ATRNL1: variants seen among roughly 807,000 people sequenced by gnomAD.
ATRNL1 encodes the protein attractin-like protein 1.
In ATRNL1, 95 loss-of-function variants were observed where a neutral mutation model predicts 182.7. The observed-to-expected ratio is 0.52, with a 90% CI of 0.44 to 0.62. The LOEUF (loss-of-function observed/expected upper bound fraction) is 0.62. Among genes scored for constraint, ATRNL1 ranks in the 20% least tolerant of loss-of-function variants. The pLI is 0.00. For synonymous variants in ATRNL1, 576 were observed against 568.3 expected (o/e 1.01, Z -0.19); for missense variants, 1,471 against 1,679.5 (o/e 0.88, Z 2.17).
At chr10:115,296,274 C>A (rs1452242342) in intron 15 of ATRNL1, among the ~76,000 whole-genome samples, 1 of 152,282 alleles carries the variant, frequency 6.6e-6, no homozygotes, top group East Asian at 1.9e-4. Context: ...CTTCCATTCA[C>A]CACAGGTGCA....
At chr10:115,337,129 G>A (rs1294659274) in intron 19 of ATRNL1, among the ~76,000 whole-genome samples, 1 of 151,728 alleles carries the variant, frequency 6.6e-6, no homozygotes, top group African/African-American at 2.4e-5. Flanking sequence ...CCAAAGTGCT[G>A]TGGTTACAGG....
chr10:115,932,329 G>T lies in ATRNL1; in HGVS notation c.4019-12329G>T, dbSNP rs565128881. Among the ~76,000 whole-genome samples the T allele has an allele frequency of 9.0e-4, 137 of 152,328 alleles. 1 individual carries two copies. The highest frequency in any genetic ancestry group is 2.9e-3 in the African/African-American group (122 of 41,580). ...ACATCAGAGGAAAGGTTTCAAGTCT[G>T]TTTTGAGAAATGTACTGTCCAACTC... is the stretch of plus-strand genomic sequence containing the variant. On this transcript the variant is annotated intron_variant, in intron 28 of 28. Transcript: ENST00000355044.
intron 21 of ATRNL1, among the ~76,000 whole-genome samples, chr10:115,460,355 G>A (rs1476336043): frequency 1.3e-5 from 2 of 151,856 alleles, no homozygotes; most frequent in Non-Finnish European, 2.9e-5. Flanking sequence ...TTCCATCGCA[G>A]TCAAACCTAT....
In ATRNL1 at chr10:115,484,133, G is replaced by A. The variant is rs1414630; in HGVS notation, c.3654+14804G>A. 2.4e-4 allele frequency among the ~76,000 whole-genome samples: 36 copies of A among 150,504 alleles called. 1 individual carries two copies. The South Asian group carries it at 7.3e-3, about 30-fold the overall frequency. On this transcript the variant is annotated intron_variant, in intron 24 of 28. Coordinates refer to ENST00000355044, the MANE Select transcript of ATRNL1 (RefSeq NM_207303.4). ...TTTCTGATTATCTTTTTTTTTTTCA[G>A]TAAATGTCAAATCTTAGATCTTTTT... is the stretch of plus-strand genomic sequence containing the variant.
intron 28 of ATRNL1, among the ~76,000 whole-genome samples, chr10:115,908,165 T>C (rs553373433): frequency 2.6e-5 from 4 of 152,300 alleles, no homozygotes; most frequent in Non-Finnish European, 5.9e-5. Flanking sequence ...TGATTTTGAA[T>C]ATTCCATGAC....
rs1160243131 is a variant in ATRNL1 at position 115,886,511 on chromosome 10, TCAAAAA to T, written c.4018+38536_4018+38541del. ...CCTGGGCAACAAGAGCGAAACTGTCTCAAAAACAAAAACAAAAACAAGAACAAAAAC... is the reference window on the plus strand; with the variant it reads ...CCTGGGCAACAAGAGCGAAACTGTCTCAAAAACAAAAACAAGAACAAAAAC... On this transcript the variant is annotated intron_variant, in intron 28 of 28. Coordinates refer to ENST00000355044, the MANE Select transcript of ATRNL1 (RefSeq NM_207303.4). 6.6e-5 allele frequency among the ~76,000 whole-genome samples: 10 copies of T among 152,276 alleles called. No individual in the cohort carries two copies. In the Middle Eastern group the frequency reaches 0.01, roughly 155 times the overall value.
At chr10:115,807,306 G>C (rs1333870039) in intron 27 of ATRNL1, among the ~76,000 whole-genome samples, 1 of 152,002 alleles carries the variant, frequency 6.6e-6, no homozygotes, top group Non-Finnish European at 1.5e-5. Flanking sequence ...AGCAGAGACG[G>C]ATCTTCATCA....
At chr10:115,606,303 G>T (rs1856869823) in intron 26 of ATRNL1, among the ~76,000 whole-genome samples, 1 of 151,964 alleles carries the variant, frequency 6.6e-6, no homozygotes, top group South Asian at 2.1e-4. Flanking sequence ...ATGCACAGCT[G>T]CCAAAGCTGT....
At chr10:115,659,770 T>G (rs1482645915) in intron 26 of ATRNL1, among the ~76,000 whole-genome samples, 8 of 152,046 alleles carry the variant, frequency 5.3e-5, no homozygotes, top group African/African-American at 1.9e-4. Flanking sequence ...GAGTAAGAAT[T>G]AGACCCGCAG....
chr10:115,549,622 G>A (rs2133809675), intron 26 of ATRNL1, 86 bp downstream of exon 26: 2 of 855,464 alleles, frequency 2.3e-6, no homozygotes, highest in Non-Finnish European at 3.4e-6. Context: ...ATGCTCTCTT[G>A]GAATGCAGAA....
At chr10:115,703,106 C>T (rs1310320101) in intron 26 of ATRNL1, among the ~76,000 whole-genome samples, 1 of 151,946 alleles carries the variant, frequency 6.6e-6, no homozygotes, top group Non-Finnish European at 1.5e-5. Context: ...AGTAAAGCCA[C>T]ACACTTATGG....
rs528368765 is a variant in ATRNL1 at position 115,227,139 on chromosome 10, C to A, written c.1532+11259C>A. ...ACCATTAGCAGAGCAAACAGACAGC[C>A]TACAAAATGGGAGAAGATATTCTCA... On this transcript the variant is annotated intron_variant, in intron 9 of 28. Coordinates refer to ENST00000355044, the MANE Select transcript of ATRNL1 (RefSeq NM_207303.4). Among the ~76,000 whole-genome samples the A allele has an allele frequency of 2.4e-4, 36 of 152,158 alleles. 1 individual carries two copies. The South Asian group carries it at 6.4e-3, about 27-fold the overall frequency.
At chr10:115,920,466 G>A (rs1364740339) in intron 28 of ATRNL1, among the ~76,000 whole-genome samples, 1 of 152,142 alleles carries the variant, frequency 6.6e-6, no homozygotes, top group East Asian at 1.9e-4. Flanking sequence ...CTGTAATTCT[G>A]AGACACTCAC....
At chr10:115,534,246 C>T (rs11516961) in intron 25 of ATRNL1, among the ~76,000 whole-genome samples, 93,255 of 147,964 alleles carry the variant, frequency 0.63, 30,497 homozygotes, top group Middle Eastern at 0.73. Flanking sequence ...TCTAAGTCTC[C>T]TTGCAGGTCA....
chr10:115,611,725 C>A (rs1432475522), intron 26 of ATRNL1, among the ~76,000 whole-genome samples: 2 of 151,892 alleles, frequency 1.3e-5, no homozygotes, highest in Non-Finnish European at 2.9e-5. Context: ...GATTAATATT[C>A]TTTGAAACAT....
intron 19 of ATRNL1, among the ~76,000 whole-genome samples, chr10:115,371,639 A>G (rs907213109): frequency 6.6e-5 from 10 of 152,216 alleles, no homozygotes; most frequent in Non-Finnish European, 1.3e-4. Context: ...CATTGTATCT[A>G]GGAAGTAACT....
chr10:115,469,096 A>G (rs11197229), intron 23 of ATRNL1, 76 bp from the exon 24 acceptor site: 8,931 of 517,942 alleles, frequency 0.017, 714 homozygotes, highest in African/African-American at 0.16. Flanking sequence ...GAGCAATTAT[A>G]AAAAACTATA....
rs534161340 is a variant in ATRNL1, at chr10:115,196,019, C to T, written c.1349-19678C>T. Among the ~76,000 whole-genome samples, 12 of 152,066 alleles carry T rather than the reference C, an allele frequency of 7.9e-5. No individual in the cohort carries two copies. The South Asian group carries it at 1.7e-3, about 21-fold the overall frequency. ...CTGAGATTTTTATAAAAATAGGCTG[C>T]GTCCAGTGGCTCACACCTATAATCC... On this transcript the variant is annotated intron_variant, in intron 8 of 28. Coordinates refer to ENST00000355044, the MANE Select transcript of ATRNL1 (RefSeq NM_207303.4).
intron 26 of ATRNL1, among the ~76,000 whole-genome samples, chr10:115,575,890 T>A (rs1854675647): frequency 6.6e-6 from 1 of 152,056 alleles, no homozygotes; most frequent in Admixed American, 6.6e-5. Flanking sequence ...GATGAATATC[T>A]CTCCTTTTGC....
Sources: allele counts gnomAD v4.1 joint callset (sites outside exome capture counted in the v4.1 genomes callset), GRCh38; gene constraint gnomAD v4.1.1; transcripts MANE v1.5; gene names NCBI Gene and HGNC (gene_info 2026-07-23, HGNC 2026-07-21).